BICRA: variants seen among roughly 807,000 people sequenced by gnomAD.
BICRA encodes BRD4 interacting chromatin remodeling complex associated protein, also known as BRD4-interacting chromatin-remodeling complex-associated protein.
Under a neutral mutation model 96.9 loss-of-function variants are expected in BICRA, and 31 were observed. The observed-to-expected ratio is 0.32, with a 90% CI of 0.24 to 0.43. The LOEUF is 0.43. BICRA is among the 20% of genes least tolerant of loss of function. The pLI, the probability that BICRA is intolerant of heterozygous loss-of-function variation, is 1.00. For synonymous variants in BICRA, 1,350 were observed against 1,071.8 expected, an observed-to-expected ratio of 1.26 and a Z score of -5.07; for missense variants, 2,283 against 2,190.3, an observed-to-expected ratio of 1.04 and a Z score of -0.84.
At chr19:47,639,935 T>G (rs984649136) in intron 1 of BICRA, among the ~76,000 whole-genome samples, 3 of 152,082 alleles carry the variant, frequency 2.0e-5, no homozygotes, top group African/African-American at 7.2e-5. Context: ...TGAGCCACCA[T>G]GCCCAGCCTG....
Position 47,698,580 on chromosome 19 carries a change from C to CCCCCCT in BICRA, c.3249-54_3249-53insCCCCCT. The CCCCCCT allele has an allele frequency of 7.8e-6, 6 of 773,714 alleles. No homozygotes were observed. The highest frequency in any genetic ancestry group is 2.5e-5 in the East Asian group (1 of 40,384). The allele number at this position is 773,714 out of a possible 1,614,324, so 47.9% of individuals were successfully genotyped here. A position where few individuals can be genotyped will look rare whatever the true frequency, so the allele number is the denominator to read the frequency against. On this transcript the variant is annotated intron_variant, in intron 11 of 14. Transcript: ENST00000594866. The surrounding 1 kb of genome is among the most constrained non-coding windows in gnomAD (Gnocchi z 4.8). ...GGGTTCAGGGACTTCCCCTGGCCCT[C>CCCCCCT]ACCCGTCCCCCCCACCCTCCGCCGT...
chr19:47,670,106 T>G (rs1004296330), intron 1 of BICRA, among the ~76,000 whole-genome samples: 3 of 151,986 alleles, frequency 2.0e-5, no homozygotes, highest in Non-Finnish European at 4.4e-5. Context: ...CAAGCGACCA[T>G]GCCCAGCCAA....
intron 1 of BICRA, among the ~76,000 whole-genome samples, chr19:47,653,106 T>C (rs1474402180): frequency 7.4e-6 from 1 of 135,316 alleles, no homozygotes; most frequent in East Asian, 2.5e-4. Flanking sequence ...CACTGCAACC[T>C]CCACCTTCAC....
chr19:47,691,575 T>C (rs1475814532), intron 7 of BICRA, among the ~76,000 whole-genome samples: 2 of 152,188 alleles, frequency 1.3e-5, no homozygotes, highest in African/African-American at 4.8e-5. Flanking sequence ...TGTATTTATT[T>C]ATTTTTGAGT....
At chr19:47,693,829 G>A (rs1018702717) in intron 7 of BICRA, among the ~76,000 whole-genome samples, 5 of 152,212 alleles carry the variant, frequency 3.3e-5, no homozygotes, top group South Asian at 2.1e-4. Context: ...GGGGAACTGC[G>A]AGGGGTGGGG....
At chr19:47,670,869 CAG>C (rs370694783) in intron 2 of BICRA, among the ~76,000 whole-genome samples, 16 of 152,144 alleles carry the variant, frequency 1.1e-4, no homozygotes, top group South Asian at 6.2e-4. Context: ...CCTGGTGACA[CAG>C]GGGGAGGAAG....
chr19:47,674,302 A>ACCTGT (rs3074088), intron 4 of BICRA, among the ~76,000 whole-genome samples: 37,606 of 151,842 alleles, frequency 0.25, 5,134 homozygotes, highest in East Asian at 0.4. Context: ...TAGTAGGTAA[A>ACCTGT]AGTCACCAGG....
chr19:47,612,645 G>A (rs1971925838), intron 1 of BICRA, among the ~76,000 whole-genome samples: 1 of 151,816 alleles, frequency 6.6e-6, no homozygotes, highest in African/African-American at 2.4e-5. Flanking sequence ...GGGGCTGGGG[G>A]GCTGACGGAG....
intron 1 of BICRA, among the ~76,000 whole-genome samples, chr19:47,628,719 C>G (rs1345520894): frequency 6.6e-6 from 1 of 152,038 alleles, no homozygotes; most frequent in Non-Finnish European, 1.5e-5. Context: ...ATCCTTCCAC[C>G]TCAGCCTCCT....
intron 1 of BICRA, among the ~76,000 whole-genome samples, chr19:47,652,821 T>C (rs945720222): frequency 2.0e-5 from 3 of 152,242 alleles, no homozygotes; most frequent in Non-Finnish European, 4.4e-5. Context: ...AGTTAGTCAT[T>C]GTGTTTAGTG....
chr19:47,633,244 T>A (rs1221952827), intron 1 of BICRA, among the ~76,000 whole-genome samples: 1 of 151,980 alleles, frequency 6.6e-6, no homozygotes, highest in Non-Finnish European at 1.5e-5. Flanking sequence ...CACGCCCGAC[T>A]AATTTTTTTA....
chr19:47,702,298 G>C lies in BICRA; in HGVS notation c.4566G>C (p.Ser1522=), dbSNP rs1415135661. 6 of 1,586,300 alleles carry C rather than the reference G, an allele frequency of 3.8e-6. No homozygotes were observed. Among genetic ancestry groups the C allele is most frequent in the African/African-American group, 1.4e-5 (1 of 73,400 alleles). Residue 1522 remains serine, a synonymous_variant, in exon 15 of 15, where the codon TCG becomes TCC. Coordinates refer to ENST00000594866, the MANE Select transcript of BICRA (RefSeq NM_001394372.1). ...CCCCCGGCCGGACGCCCGCGCCCTCGTACCCCCACGCTGCCTCGGCCGGCA... is the reference window on the plus strand; with the variant it reads ...CCCCCGGCCGGACGCCCGCGCCCTCCTACCCCCACGCTGCCTCGGCCGGCA... ...QQAPGRTPAP[S]YPHAASAGTP...
rs1458240977 is a variant in BICRA at position 47,701,883 on chromosome 19, G to A, written c.4151G>A (p.Arg1384His). ...CTGGGCACCGCCCCGCACTGCCCGC[G>A]CCTGCCACTGCGCAAGACCTACCGC... ...KPLGTAPHCP[R>H]LPLRKTYREN... Residue 1384 changes from arginine (R) to histidine (H), a missense_variant, in exon 15 of 15, where the codon CGC (arginine) becomes CAC (histidine). By Grantham distance (29) the Arg-to-His change is conservative. Coordinates refer to ENST00000594866, the MANE Select transcript of BICRA (RefSeq NM_001394372.1). This position sits in a 1 kb window ranked among gnomAD's most constrained non-coding sequence, Gnocchi z 5.4. The A allele has an allele frequency of 2.0e-6, 3 of 1,467,548 alleles. No individual in the cohort carries two copies. The highest frequency in any genetic ancestry group is 2.5e-5 in the Admixed American group (1 of 39,944). The allele number at this position is 1,467,548 out of a possible 1,614,324, so 90.9% of individuals were successfully genotyped here. A position where few individuals can be genotyped will look rare whatever the true frequency, so the allele number is the denominator to read the frequency against.
At position 47,698,889 on chromosome 19, in the gene BICRA, C is replaced by G; in HGVS notation, c.3398-76C>G. On this transcript the variant is annotated intron_variant, in intron 12 of 14. Transcript: ENST00000594866. This position sits in a 1 kb window ranked among gnomAD's most constrained non-coding sequence, Gnocchi z 4.8. ...AGGTCCACGGTGCGCTATGCTGACC[C>G]TGCCCCGCCCTCCTTCCTGCGCATC... 7.4e-7 allele frequency: 1 copy of G among 1,357,178 alleles called. No homozygotes were observed. Among genetic ancestry groups the G allele is most frequent in the South Asian group, 1.2e-5 (1 of 80,780 alleles). The allele number at this position is 1,357,178 out of a possible 1,614,324, so 84.1% of individuals were successfully genotyped here. A position where few individuals can be genotyped will look rare whatever the true frequency, so the allele number is the denominator to read the frequency against.
At chr19:47,696,621 C>T in intron 11 of BICRA, 109 bp downstream of exon 11, 1 of 936,078 alleles carries the variant, frequency 1.1e-6, no homozygotes, top group Non-Finnish European at 1.6e-6. Context: ...GTGCCAAGCC[C>T]AGCTCCACCT....
At chr19:47,609,218 C>CT (rs1033363316) in intron 1 of BICRA, 50 bp downstream of exon 1, 17 of 150,588 alleles carry the variant, frequency 1.1e-4, no homozygotes, top group Non-Finnish European at 1.9e-4. Flanking sequence ...TTAACTCTCT[C>CT]TACCTGCGAG....
chr19:47,630,251 C>T lies in BICRA; in HGVS notation c.-108+21083C>T, dbSNP rs759726238. ...TCTCGGCTCACTGCAAGCTCCGCCT[C>T]CTGGGTTCACGCCATTCTCCTGCCT... On this transcript the variant is annotated intron_variant, in intron 1 of 14. Coordinates refer to ENST00000594866, the MANE Select transcript of BICRA (RefSeq NM_001394372.1). Among the ~76,000 whole-genome samples, 52 of 150,758 alleles carry T rather than the reference C, an allele frequency of 3.4e-4. No homozygotes were observed. In the Middle Eastern group the frequency reaches 0.01, roughly 30 times the overall value.
chr19:47,701,758 G>A lies in BICRA; in HGVS notation c.4026G>A (p.Val1342=). 1 of 1,538,192 alleles carries A rather than the reference G, an allele frequency of 6.5e-7. No individual in the cohort carries two copies. The highest frequency in any genetic ancestry group is 8.8e-7 in the Non-Finnish European group (1 of 1,139,828). ...CGCCACCCCCCGCTACCCTCAAGGT[G>A]GCCGAGCCCCCGCCACGGCCGCCAC... ...QPPPPPATLK[V]AEPPPRPPPP... Residue 1342 remains valine, a synonymous_variant, in exon 15 of 15, where the codon GTG becomes GTA. Transcript: ENST00000594866. This position sits in a 1 kb window ranked among gnomAD's most constrained non-coding sequence, Gnocchi z 5.4.
chr19:47,627,326 G>A (rs1219863510), intron 1 of BICRA, among the ~76,000 whole-genome samples: 1 of 152,148 alleles, frequency 6.6e-6, no homozygotes, highest in Non-Finnish European at 1.5e-5. Flanking sequence ...CTGGAACAAG[G>A]CCCCTACCTT....
Sources: gnomAD v4.1 joint callset for allele counts (sites outside exome capture counted in the v4.1 genomes callset) on GRCh38, gnomAD v4.1.1 for gene constraint, Gnocchi (gnomAD v3.1) non-coding constraint, MANE v1.5 for transcripts, NCBI Gene and HGNC (gene_info 2026-07-23, HGNC 2026-07-21) for gene names.